The following CTNNA3 variants were observed in gnomAD, a reference collection of about 807,000 sequenced individuals.
CTNNA3 encodes catenin alpha-3.
CTNNA3 carries 76 observed loss-of-function variants against 95.7 expected under a neutral mutation model. The observed-to-expected ratio is 0.79, with a 90% CI of 0.66 to 0.96. CTNNA3 has a LOEUF of 0.96. Among genes scored for constraint, CTNNA3 ranks in the 40% least tolerant of loss-of-function variants. CTNNA3 has a pLI of 0.00. For missense variants in CTNNA3, 1,191 were observed against 1,089.8 expected (o/e 1.09, Z -1.31); for synonymous variants, 431 against 374.4 (o/e 1.15, Z -1.74).
chr10:66,396,785 G>A (rs1157236927), intron 11 of CTNNA3, among the ~76,000 whole-genome samples: 1 of 151,720 alleles, frequency 6.6e-6, no homozygotes, highest in Admixed American at 6.6e-5. Context: ...GCTTTTCTAT[G>A]CACACATAAG....
chr10:67,406,809 A>G (rs1387498609), intron 5 of CTNNA3, among the ~76,000 whole-genome samples: 1 of 152,174 alleles, frequency 6.6e-6, no homozygotes, highest in Non-Finnish European at 1.5e-5. Flanking sequence ...ACACAAATTG[A>G]AAATCTAGAA....
At chr10:66,092,925 G>A (rs1017827953) in intron 14 of CTNNA3, among the ~76,000 whole-genome samples, 1 of 151,580 alleles carries the variant, frequency 6.6e-6, no homozygotes, top group Non-Finnish European at 1.5e-5. Context: ...TAATAAAAAA[G>A]ATATCTTTTT....
At chr10:67,363,262 AT>A (rs1423397269) in intron 5 of CTNNA3, among the ~76,000 whole-genome samples, 1 of 152,034 alleles carries the variant, frequency 6.6e-6, no homozygotes, top group African/African-American at 2.4e-5. Context: ...TAGAAAAAAA[AT>A]TTCTGAAACT....
intron 11 of CTNNA3, among the ~76,000 whole-genome samples, chr10:66,493,461 G>T (rs1839990644): frequency 6.6e-6 from 1 of 152,048 alleles, no homozygotes; most frequent in Non-Finnish European, 1.5e-5. Context: ...ATGCTAAAAA[G>T]GTTAAGAAAG....
At chr10:66,860,055 T>C (rs922327317) in intron 7 of CTNNA3, among the ~76,000 whole-genome samples, 9 of 137,084 alleles carry the variant, frequency 6.6e-5, no homozygotes, top group African/African-American at 2.5e-4. Context: ...TTAGGAGATA[T>C]ACCTAATGCT....
chr10:66,053,427 T>C (rs2133545026), intron 15 of CTNNA3, among the ~76,000 whole-genome samples: 1 of 152,198 alleles, frequency 6.6e-6, no homozygotes, highest in South Asian at 2.1e-4. Context: ...TGACATATTT[T>C]CATATGGGCA....
chr10:66,237,135 A>C (rs1431852672), intron 13 of CTNNA3, among the ~76,000 whole-genome samples: 1 of 152,120 alleles, frequency 6.6e-6, no homozygotes, highest in Non-Finnish European at 1.5e-5. Flanking sequence ...TGATCATAAT[A>C]ATAACCCAAA....
chr10:66,180,638 T>C (rs2085989610), intron 13 of CTNNA3, among the ~76,000 whole-genome samples: 1 of 152,190 alleles, frequency 6.6e-6, no homozygotes, highest in Admixed American at 6.6e-5. Context: ...AAATAACCTT[T>C]GCCATACGCC....
intron 13 of CTNNA3, among the ~76,000 whole-genome samples, chr10:66,245,140 G>A (rs960837109): frequency 6.6e-6 from 1 of 152,162 alleles, no homozygotes; most frequent in African/African-American, 2.4e-5. Context: ...GAGTGAGTGT[G>A]GGGTCCGGCC....
intron 7 of CTNNA3, among the ~76,000 whole-genome samples, chr10:67,059,617 CA>C (rs1252430734): frequency 6.6e-6 from 1 of 152,014 alleles, no homozygotes; most frequent in Admixed American, 6.6e-5. Flanking sequence ...TTAAAGTTGT[CA>C]TAGTCAGTTT....
rs553198465 is a variant in CTNNA3 at position 67,529,697 on chromosome 10, T to C, written c.460-7736A>G. 5.5e-4 allele frequency among the ~76,000 whole-genome samples: 84 copies of C among 152,050 alleles called. 1 individual carries two copies. The South Asian group carries it at 0.017, about 30-fold the overall frequency. ...TAAAATAAAATTTAAAAAATATACG[T>C]TTGAAAAAAAAATTTCTTCTTCCCT... On this transcript the variant is annotated intron_variant, in intron 4 of 17. Coordinates refer to ENST00000433211, the MANE Select transcript of CTNNA3 (RefSeq NM_013266.4).
intron 1 of CTNNA3, among the ~76,000 whole-genome samples, chr10:67,736,479 G>A (rs1378942438): frequency 2.9e-5 from 4 of 138,856 alleles, no homozygotes; most frequent in Admixed American, 1.5e-4. Flanking sequence ...TTTTTGAGAC[G>A]GAGTCTCTCT....
intron 5 of CTNNA3, among the ~76,000 whole-genome samples, chr10:67,307,903 G>T (rs1424789812): frequency 6.6e-6 from 1 of 152,142 alleles, no homozygotes; most frequent in Non-Finnish European, 1.5e-5. Flanking sequence ...TTAACCAGTG[G>T]AATTAGGAAT....
rs142517333 is a variant in CTNNA3, at chr10:66,478,096, G to A, written c.1531+42521C>T. Among the ~76,000 whole-genome samples the A allele has an allele frequency of 2.9e-3, 441 of 152,182 alleles. 2 individuals are homozygous for A. Among genetic ancestry groups the A allele is most frequent in the African/African-American group, 9.7e-3 (404 of 41,540 alleles). Reference sequence around the variant, plus strand: ...ATGCAATAGATTCTTACATAATGCAGCATTATTTTCCAGCAATGCTCCAGC... The same window carrying A: ...ATGCAATAGATTCTTACATAATGCAACATTATTTTCCAGCAATGCTCCAGC... On this transcript the variant is annotated intron_variant, in intron 11 of 17. Transcript: ENST00000433211.
intron 5 of CTNNA3, among the ~76,000 whole-genome samples, chr10:67,349,930 G>A (rs1452907774): frequency 6.6e-6 from 1 of 152,090 alleles, no homozygotes; most frequent in South Asian, 2.1e-4. Flanking sequence ...GAGGATTAAG[G>A]TAAGGTATCA....
At chr10:67,442,870 G>A (rs984089422) in intron 5 of CTNNA3, among the ~76,000 whole-genome samples, 13 of 150,966 alleles carry the variant, frequency 8.6e-5, no homozygotes, top group African/African-American at 2.7e-4. Flanking sequence ...ATGTATACAT[G>A]TGTCATGCTG....
chr10:66,219,596 G>A (rs2088790328), intron 13 of CTNNA3, among the ~76,000 whole-genome samples: 1 of 150,800 alleles, frequency 6.6e-6, no homozygotes, highest in Non-Finnish European at 1.5e-5. Flanking sequence ...AAACCTTAGA[G>A]TCAGATCCCT....
chr10:67,604,862 T>C (rs145188174), intron 3 of CTNNA3, among the ~76,000 whole-genome samples: 288 of 152,324 alleles, frequency 1.9e-3, no homozygotes, highest in African/African-American at 6.8e-3. Context: ...ACAACAAATA[T>C]ATTTCAAATT....
At position 66,766,254 on chromosome 10, in the gene CTNNA3, G is replaced by C; in HGVS notation, c.1281+10C>G. 1 of 1,612,512 alleles carries C rather than the reference G, an allele frequency of 6.2e-7. No homozygotes were observed. The highest frequency in any genetic ancestry group is 8.5e-7 in the Non-Finnish European group (1 of 1,178,990). On this transcript the variant is annotated intron_variant, in intron 9 of 17. Coordinates refer to ENST00000433211, the MANE Select transcript of CTNNA3 (RefSeq NM_013266.4). ...TGGACTTTAGTGAGTTACAGTTCTA[G>C]CATGCTTACCTCTACAAGCCTGCTG...
Sources: gnomAD v4.1 joint callset for allele counts (sites outside exome capture counted in the v4.1 genomes callset) on GRCh38, gnomAD v4.1.1 for gene constraint, MANE v1.5 for transcripts, NCBI Gene and HGNC (gene_info 2026-07-23, HGNC 2026-07-21) for gene names.